The following ZSCAN18 variants were observed in gnomAD, a reference collection of about 807,000 sequenced individuals.
The protein encoded by ZSCAN18 is zinc finger and SCAN domain-containing protein 18.
Under a neutral mutation model 31.1 loss-of-function variants are expected in ZSCAN18, and 16 were observed. The ratio of observed to expected loss-of-function variants is 0.51; its 90% CI spans 0.35 to 0.78. The LOEUF (loss-of-function observed/expected upper bound fraction) is 0.78. Ranked by LOEUF, ZSCAN18 falls within the 30% of genes least tolerant of loss-of-function variation. The pLI, the probability that ZSCAN18 is intolerant of heterozygous loss-of-function variation, is 0.01. For synonymous variants in ZSCAN18, 375 were observed against 320.7 expected (o/e 1.17, Z -1.81); for missense variants, 731 against 697.4 (o/e 1.05, Z -0.54).
At chr19:58,108,629 T>C in intron 1 of ZSCAN18, 1 of 985,656 alleles carries the variant, frequency 1.0e-6, no homozygotes, top group Non-Finnish European at 1.2e-6. Context: ...TGGTGACTGA[T>C]GAAATGAGAT....
At chr19:58,092,667 G>A (rs758171140) in intron 1 of ZSCAN18, 57 of 983,666 alleles carry the variant, frequency 5.8e-5, no homozygotes, top group South Asian at 1.4e-4. Context: ...AGGGAAGTGC[G>A]GAACTCTTAA....
Position 58,089,965 on chromosome 19 carries a change from C to A in ZSCAN18, c.303G>T (p.Leu101=). 6.2e-7 allele frequency: 1 copy of A among 1,614,144 alleles called. No homozygotes were observed. Among genetic ancestry groups the A allele is most frequent in the Non-Finnish European group, 8.5e-7 (1 of 1,180,038 alleles). ...CCACCCAGGGCCGGACCTTATCAGG[C>A]AGGATGCCCAGGAACTGCTCCAGCA... ...LLVLEQFLGI[L]PDKVRPWVVA... is the part of the protein sequence containing the mutation. The change falls in exon 2 of 7, where the codon CTG becomes CTT. Residue 101 remains leucine (L), a synonymous_variant. Coordinates refer to ENST00000601144, the MANE Select transcript of ZSCAN18 (RefSeq NM_001145543.2).
At chr19:58,107,878 T>C in intron 1 of ZSCAN18, 1 of 1,062,614 alleles carries the variant, frequency 9.4e-7, no homozygotes, top group African/African-American at 1.7e-5. Context: ...TTGTGCTTGG[T>C]CAGACAGGAG....
At chr19:58,085,589 G>T (rs12981417) in intron 6 of ZSCAN18, 86,527 of 536,684 alleles carry the variant, frequency 0.16, 8,107 homozygotes, top group Middle Eastern at 0.24. Flanking sequence ...GGACCTGGAG[G>T]CCTCCAACAA....
intron 1 of ZSCAN18, chr19:58,109,427 CTG>C: frequency 9.6e-7 from 1 of 1,046,440 alleles, no homozygotes; most frequent in Non-Finnish European, 1.2e-6. Context: ...TGTGCCCATT[CTG>C]TGACACAGCA....
rs1568626905 is a variant in ZSCAN18 at position 58,085,197 on chromosome 19, C to CGTCCTGGGG, written c.1012_1020dup (p.Pro338_Asp340dup). On this transcript the variant is annotated inframe_insertion, in exon 7 of 7. Transcript: ENST00000601144. ...GATCCGGTGGCAGAGTCGGACTCCG[C>CGTCCTGGGG]GTCCTGGGGGTCCTGCGGGTCCGGG... 1.9e-6 allele frequency: 3 copies of CGTCCTGGGG among 1,609,908 alleles called. No homozygotes were observed. Among genetic ancestry groups the CGTCCTGGGG allele is most frequent in the Non-Finnish European group, 2.5e-6 (3 of 1,179,396 alleles).
intron 1 of ZSCAN18, chr19:58,108,825 C>A (rs2146024580): frequency 3.2e-6 from 3 of 950,288 alleles, no homozygotes; most frequent in East Asian, 2.4e-4. Context: ...GGAGTTACCA[C>A]CTTCGTTACA....
At chr19:58,108,529 A>T in intron 1 of ZSCAN18, 1 of 985,972 alleles carries the variant, frequency 1.0e-6, no homozygotes, top group Non-Finnish European at 1.2e-6. Context: ...TCCTGTGTGG[A>T]TTTTTTGATG....
At chr19:58,085,423 C>T (rs775843152) in intron 6 of ZSCAN18, 44 bp from the exon 7 acceptor site, 2 of 1,491,614 alleles carry the variant, frequency 1.3e-6, no homozygotes, top group Non-Finnish European at 1.8e-6. Flanking sequence ...CCGCCCAGGG[C>T]CAGGGAGAGG....
At chr19:58,118,250 G>A in intron 1 of ZSCAN18, 2 of 1,315,088 alleles carry the variant, frequency 1.5e-6, no homozygotes, top group Non-Finnish European at 2.0e-6. Flanking sequence ...CAGCCGCTCT[G>A]GAGTCCTTGA....
chr19:58,092,755 C>A lies in ZSCAN18; in HGVS notation c.-119-2369G>T, dbSNP rs147956920. On this transcript the variant is annotated intron_variant, in intron 1 of 6. Transcript: ENST00000601144. Reference sequence around the variant, plus strand: ...AGCCATGCCGTGCCATCATCACCACCACCACGATACCTCTACTTTTTTTTT... The same window carrying A: ...AGCCATGCCGTGCCATCATCACCACAACCACGATACCTCTACTTTTTTTTT... 3.6e-5 allele frequency: 35 copies of A among 980,948 alleles called. 1 individual carries two copies. In the East Asian group the frequency reaches 3.4e-3, roughly 96 times the overall value. The allele number at this position is 980,948 out of a possible 1,614,324, so 60.8% of individuals were successfully genotyped here. A position where few individuals can be genotyped will look rare whatever the true frequency, so the allele number is the denominator to read the frequency against.
At chr19:58,096,073 G>A (rs2074514184) in intron 1 of ZSCAN18, among the ~76,000 whole-genome samples, 1 of 152,176 alleles carries the variant, frequency 6.6e-6, no homozygotes. Flanking sequence ...AGGACTCTCA[G>A]AGATCTCACC....
upstream of ZSCAN18, among the ~76,000 whole-genome samples, chr19:58,099,644 C>T (rs1314772957): frequency 1.3e-5 from 2 of 152,162 alleles, no homozygotes; most frequent in Non-Finnish European, 2.9e-5. Context: ...TGAACACGTG[C>T]TTATTAGTGT....
intron 5 of ZSCAN18, 130 bp from the exon 6 acceptor site, chr19:58,086,396 G>C (rs1293280311): frequency 1.4e-6 from 1 of 739,690 alleles, no homozygotes; most frequent in African/African-American, 1.8e-5. Context: ...CCCCCACCAA[G>C]GCCACCTCCC....
intron 1 of ZSCAN18, among the ~76,000 whole-genome samples, chr19:58,111,095 G>A (rs1268930772): frequency 6.6e-6 from 1 of 152,082 alleles, no homozygotes; most frequent in Non-Finnish European, 1.5e-5. Context: ...GTGAACCCGG[G>A]AGGCGGAGCT....
intron 1 of ZSCAN18, among the ~76,000 whole-genome samples, chr19:58,110,495 C>G (rs1417658718): frequency 6.6e-6 from 1 of 152,140 alleles, no homozygotes; most frequent in East Asian, 1.9e-4. Flanking sequence ...CTGAAGAGAC[C>G]AAAAGCTGTG....
At position 58,098,191 on chromosome 19, in the gene ZSCAN18, C is replaced by A. The variant is rs1436351356; in HGVS notation, c.-137G>T. The A allele has an allele frequency of 2.1e-5, 21 of 985,418 alleles. No individual in the cohort carries two copies. Among genetic ancestry groups the A allele is most frequent in the Non-Finnish European group, 2.3e-5 (19 of 830,028 alleles). 61.0% of individuals were successfully genotyped at this position (985,418 alleles called of 1,614,324 possible). A position where few individuals can be genotyped will look rare whatever the true frequency, so the allele number is the denominator to read the frequency against. On this transcript the variant is annotated 5_prime_UTR_variant, in exon 1 of 7. Transcript: ENST00000601144. Reference sequence around the variant, plus strand: ...CGACCCACCTGCTGCGCAGCTACCCCAGGCCGGTCCCAGCCGCCCGGAGCC... The same window carrying A: ...CGACCCACCTGCTGCGCAGCTACCCAAGGCCGGTCCCAGCCGCCCGGAGCC...
intron 1 of ZSCAN18, among the ~76,000 whole-genome samples, chr19:58,110,734 C>A (rs1433279070): frequency 8.5e-5 from 13 of 152,220 alleles, no homozygotes; most frequent in Non-Finnish European, 4.4e-5. Flanking sequence ...GTTATAATCA[C>A]CCTTTTATTA....
rs549791527 is a variant in ZSCAN18, at chr19:58,084,684, C to T, written c.*1G>A. The T allele has an allele frequency of 2.0e-6, 3 of 1,488,994 alleles. No homozygotes were observed. The highest frequency in any genetic ancestry group is 2.3e-5 in the East Asian group (1 of 42,858). The allele number at this position is 1,488,994 out of a possible 1,614,324, so 92.2% of individuals were successfully genotyped here. A position where few individuals can be genotyped will look rare whatever the true frequency, so the allele number is the denominator to read the frequency against. ...CCTCCGGAACGGGACAGCACAGCGG[C>T]TCACCTCTGCGCCTCTGGGGGTGCG... On this transcript the variant is annotated 3_prime_UTR_variant, in exon 7 of 7. Coordinates refer to ENST00000601144, the MANE Select transcript of ZSCAN18 (RefSeq NM_001145543.2). This position sits in a 1 kb window ranked among gnomAD's most constrained non-coding sequence, Gnocchi z 4.5.
Sources: allele counts gnomAD v4.1 joint callset (sites outside exome capture counted in the v4.1 genomes callset), GRCh38; gene constraint gnomAD v4.1.1; non-coding constraint Gnocchi (gnomAD v3.1); transcripts MANE v1.5; gene names NCBI Gene and HGNC (gene_info 2026-07-23, HGNC 2026-07-21).